The following CSMD1 variants were observed in gnomAD, a reference collection of about 807,000 sequenced individuals.
CSMD1 encodes CUB and sushi domain-containing protein 1.
A neutral mutation model predicts 417.5 loss-of-function variants in CSMD1; 213 were observed. The observed-to-expected ratio is 0.51, with a 90% CI of 0.46 to 0.57. CSMD1 has a LOEUF of 0.57. CSMD1 is among the 20% of genes least tolerant of loss of function. The pLI is 0.00. For missense variants in CSMD1, 6,923 were observed against 4,529.7 expected (o/e 1.53, Z -15.17); for synonymous variants, 2,862 against 1,736.8 (o/e 1.65, Z -16.11).
intron 1 of CSMD1, among the ~76,000 whole-genome samples, chr8:4,653,583 G>C (rs544117755): frequency 2.9e-4 from 44 of 152,110 alleles, no homozygotes; most frequent in African/African-American, 1.1e-3. Flanking sequence ...TGTGATTTAT[G>C]ACATGCATTA....
chr8:3,536,749 C>A (rs1204723301), intron 10 of CSMD1, among the ~76,000 whole-genome samples: 1 of 152,230 alleles, frequency 6.6e-6, no homozygotes, highest in African/African-American at 2.4e-5. Flanking sequence ...CCCCAATACC[C>A]AAAAGTGTCC....
chr8:3,176,767 TTTTTCTTTTTCTTTC>T (rs1820961708), intron 37 of CSMD1, among the ~76,000 whole-genome samples: 1 of 142,186 alleles, frequency 7.0e-6, no homozygotes, highest in Non-Finnish European at 1.5e-5. Context: ...TCTTTCTTTC[TTTTTCTTTTTCTTTC>T]TTTTTTTTTT....
chr8:4,756,448 C>T (rs146159447), intron 1 of CSMD1, among the ~76,000 whole-genome samples: 100 of 152,160 alleles, frequency 6.6e-4, no homozygotes, highest in African/African-American at 2.1e-3. Context: ...TTCCTAAACG[C>T]TAAAAGTTAA....
At chr8:4,109,623 C>T (rs1801748233) in intron 3 of CSMD1, among the ~76,000 whole-genome samples, 2 of 152,156 alleles carry the variant, frequency 1.3e-5, no homozygotes, top group Admixed American at 6.5e-5. Context: ...GAATCAAAAG[C>T]TCTAGACAAC....
intron 3 of CSMD1, among the ~76,000 whole-genome samples, chr8:4,310,242 A>T (rs1251630251): frequency 6.6e-6 from 1 of 152,170 alleles, no homozygotes. Context: ...TTAACTTATC[A>T]CACAGAAAAA....
rs191707180 is a variant in CSMD1 at position 4,770,869 on chromosome 8, G to A, written c.86-133311C>T. ...CCATGAAAATCCCAGAATACACAGG[G>A]GAAATGCTCGTTAACATTGGCCTTG... is the stretch of plus-strand genomic sequence containing the variant. On this transcript the variant is annotated intron_variant, in intron 1 of 69. Transcript: ENST00000635120. Among the ~76,000 whole-genome samples the A allele has an allele frequency of 7.1e-3, 1,082 of 152,024 alleles. 7 individuals are homozygous for A. Among genetic ancestry groups the A allele is most frequent in the Non-Finnish European group, 9.6e-3 (650 of 67,976 alleles).
intron 12 of CSMD1, among the ~76,000 whole-genome samples, chr8:3,457,500 G>C (rs549617640): frequency 6.6e-6 from 1 of 152,332 alleles, no homozygotes; most frequent in Admixed American, 6.5e-5. Context: ...ACGCATTGGA[G>C]CTGAGTCATC....
At chr8:2,990,909 C>G (rs955684236) in intron 54 of CSMD1, among the ~76,000 whole-genome samples, 2 of 152,192 alleles carry the variant, frequency 1.3e-5, no homozygotes, top group African/African-American at 2.4e-5. Flanking sequence ...CCCAGGGAAG[C>G]GCAGAACTGC....
chr8:3,993,149 G>A (rs1297031637), intron 5 of CSMD1, among the ~76,000 whole-genome samples: 1 of 152,180 alleles, frequency 6.6e-6, no homozygotes, highest in East Asian at 1.9e-4. Flanking sequence ...ATTACACTAT[G>A]GTTATGTAAG....
At chr8:4,828,008 G>A (rs73181581) in intron 1 of CSMD1, among the ~76,000 whole-genome samples, 4,703 of 152,186 alleles carry the variant, frequency 0.031, 102 homozygotes, top group Non-Finnish European at 0.04. Context: ...AATGCAAAAT[G>A]CATGTTATAT....
intron 1 of CSMD1, among the ~76,000 whole-genome samples, chr8:4,846,718 A>C (rs983051580): frequency 6.6e-6 from 1 of 152,212 alleles, no homozygotes; most frequent in Non-Finnish European, 1.5e-5. Flanking sequence ...TTAGATTAAA[A>C]TCTTGTTCTG....
chr8:3,393,297 G>A (rs955416291), intron 17 of CSMD1, among the ~76,000 whole-genome samples: 3 of 152,138 alleles, frequency 2.0e-5, no homozygotes, highest in African/African-American at 7.2e-5. Context: ...ACTAGGTGAG[G>A]CCTCTGCTCA....
At chr8:4,962,114 G>GTTT (rs5889078) in intron 1 of CSMD1, among the ~76,000 whole-genome samples, 1 of 144,874 alleles carries the variant, frequency 6.9e-6, no homozygotes, top group African/African-American at 2.5e-5. Context: ...TTTTTTTGTT[G>GTTT]TTTTTTTTTT....
rs1420352173 is a variant in CSMD1 at position 4,236,026 on chromosome 8, G to GCTTTTTTTTTTTTTTTTTTTTTTTTTTT, written c.415+183926_415+183927insAAAAAAAAAAAAAAAAAAAAAAAAAAAG. On this transcript the variant is annotated intron_variant, in intron 3 of 69. Transcript: ENST00000635120. ...GTGAGCAAAGAGGTTAATGGATATT[G>GCTTTTTTTTTTTTTTTTTTTTTTTTTTT]TTTTTTTTGTTTGTTTTTTTTTTTT... Among the ~76,000 whole-genome samples, 5 of 108,128 alleles carry GCTTTTTTTTTTTTTTTTTTTTTTTTTTT rather than the reference G, an allele frequency of 4.6e-5. 1 individual carries two copies. Among genetic ancestry groups the GCTTTTTTTTTTTTTTTTTTTTTTTTTTT allele is most frequent in the Admixed American group, 1.1e-4 (1 of 9,400 alleles). The allele number at this position is 108,128 out of a possible 152,430, so 70.9% of individuals were successfully genotyped here. A position where few individuals can be genotyped will look rare whatever the true frequency, so the allele number is the denominator to read the frequency against.
chr8:3,300,789 C>G (rs1006589687), intron 25 of CSMD1, among the ~76,000 whole-genome samples: 1 of 150,038 alleles, frequency 6.7e-6, no homozygotes, highest in Non-Finnish European at 1.5e-5. Context: ...AACCCCGTGT[C>G]TACTAAAAAT....
chr8:4,666,265 G>A (rs1487303194), intron 1 of CSMD1, among the ~76,000 whole-genome samples: 1 of 152,174 alleles, frequency 6.6e-6, no homozygotes, highest in Non-Finnish European at 1.5e-5. Context: ...TGGAATCACG[G>A]TTGCTAATAA....
intron 1 of CSMD1, among the ~76,000 whole-genome samples, chr8:4,775,428 T>A (rs1796804447): frequency 6.6e-6 from 1 of 151,376 alleles, no homozygotes; most frequent in South Asian, 2.1e-4. Context: ...TAAAACAGAA[T>A]CTAAATAAAG....
rs147190789 is a variant in CSMD1, at chr8:4,198,641, A to G, written c.416-166542T>C. Among the ~76,000 whole-genome samples the G allele has an allele frequency of 7.2e-5, 11 of 152,292 alleles. No individual in the cohort carries two copies. The East Asian group carries it at 1.4e-3, about 19-fold the overall frequency. On this transcript the variant is annotated intron_variant, in intron 3 of 69. Coordinates refer to ENST00000635120, the MANE Select transcript of CSMD1 (RefSeq NM_033225.6). ...CATATAGATCGATGGATAATGTCCC[A>G]TTATCAACATAGCTTGCCTTTTCCA...
At chr8:4,256,521 A>G in intron 3 of CSMD1, among the ~76,000 whole-genome samples, 1 of 152,216 alleles carries the variant, frequency 6.6e-6, no homozygotes, top group Admixed American at 6.5e-5. Context: ...ATAAACAGTT[A>G]TAAACATGGC....
Sources: gnomAD v4.1 joint callset for allele counts (sites outside exome capture counted in the v4.1 genomes callset) on GRCh38, gnomAD v4.1.1 for gene constraint, MANE v1.5 for transcripts, NCBI Gene and HGNC (gene_info 2026-07-23, HGNC 2026-07-21) for gene names.